Variants in CAMK2D observed in about 807,000 individuals in gnomAD.
CAMK2D encodes calcium/calmodulin dependent protein kinase II delta.
In CAMK2D, 37 loss-of-function variants were observed where a neutral mutation model predicts 84.0. The ratio of observed to expected loss-of-function variants is 0.44; its 90% CI spans 0.34 to 0.58. The LOEUF is 0.58. Among genes scored for constraint, CAMK2D ranks in the 20% least tolerant of loss-of-function variants. The pLI is 0.02. For missense variants in CAMK2D, 448 were observed against 652.5 expected, an observed-to-expected ratio of 0.69 and a Z score of 3.41; for synonymous variants, 202 against 212.5, an observed-to-expected ratio of 0.95 and a Z score of 0.43.
intron 2 of CAMK2D, among the ~76,000 whole-genome samples, chr4:113,721,169 T>C (rs1306096646): frequency 6.6e-6 from 1 of 152,132 alleles, no homozygotes; most frequent in Non-Finnish European, 1.5e-5. Flanking sequence ...GAGATAATCA[T>C]CTGCGGTAGG....
chr4:113,455,924 C>A, intron 19 of CAMK2D, 103 bp from the exon 20 acceptor site: 1 of 693,304 alleles, frequency 1.4e-6, no homozygotes, highest in African/African-American at 1.8e-5. Flanking sequence ...AAACCTAAAC[C>A]CCTGGTACTG....
chr4:113,511,431 T>C (rs1215157283), intron 12 of CAMK2D, among the ~76,000 whole-genome samples: 1 of 152,138 alleles, frequency 6.6e-6, no homozygotes, highest in African/African-American at 2.4e-5. Flanking sequence ...CTTCTATATA[T>C]GGGTACATAC....
chr4:113,490,421 T>A (rs1354357426), intron 16 of CAMK2D, among the ~76,000 whole-genome samples: 2 of 110,320 alleles, frequency 1.8e-5, no homozygotes, highest in Non-Finnish European at 3.6e-5. Context: ...ATTGCTTGTT[T>A]TTCTCAGGTT....
At chr4:113,547,576 G>T in intron 6 of CAMK2D, 68 bp downstream of exon 6, 1 of 1,008,414 alleles carries the variant, frequency 9.9e-7, no homozygotes, top group Non-Finnish European at 1.4e-6. Context: ...GCCTTTACAG[G>T]CATAATTGCA....
At chr4:113,707,902 C>T (rs2099466906) in intron 2 of CAMK2D, among the ~76,000 whole-genome samples, 1 of 152,168 alleles carries the variant, frequency 6.6e-6, no homozygotes, top group Non-Finnish European at 1.5e-5. Context: ...GCATCTGATA[C>T]CAATTCTCTG....
At position 113,649,114 on chromosome 4, in the gene CAMK2D, G is replaced by A. The variant is rs528326357; in HGVS notation, c.220+12599C>T. On this transcript the variant is annotated intron_variant, in intron 3 of 20. Coordinates refer to ENST00000511664, the MANE Select transcript of CAMK2D (RefSeq NM_001321571.2). ...ATCTGATTCCACAGCAACATCTTTGGTAGCTTTGCCCTCCTTGCCATCCCT... is the reference window on the plus strand; with the variant it reads ...ATCTGATTCCACAGCAACATCTTTGATAGCTTTGCCCTCCTTGCCATCCCT... Among the ~76,000 whole-genome samples, 36 of 152,184 alleles carry A rather than the reference G, an allele frequency of 2.4e-4. 1 individual carries two copies. The highest frequency in any genetic ancestry group is 8.2e-4 in the African/African-American group (34 of 41,524).
At position 113,561,116 on chromosome 4, in the gene CAMK2D, C is replaced by T. The variant is rs182319473; in HGVS notation, c.276-9020G>A. Among the ~76,000 whole-genome samples the T allele has an allele frequency of 3.2e-4, 48 of 152,266 alleles. 1 individual carries two copies. The highest frequency in any genetic ancestry group is 3.1e-3 in the Admixed American group (48 of 15,290). ...ACAAAAGAGTTGGAAACAGGAATCTCAATTTCCCCTTATTTGATCTCTAAC... is the reference window on the plus strand; with the variant it reads ...ACAAAAGAGTTGGAAACAGGAATCTTAATTTCCCCTTATTTGATCTCTAAC... On this transcript the variant is annotated intron_variant, in intron 4 of 20. Transcript: ENST00000511664.
intron 16 of CAMK2D, among the ~76,000 whole-genome samples, chr4:113,471,068 A>C (rs1362481597): frequency 1.3e-5 from 2 of 152,190 alleles, no homozygotes; most frequent in Admixed American, 1.3e-4. Flanking sequence ...CAATGACAGA[A>C]AACACTTTTT....
In CAMK2D at chr4:113,452,353, T is replaced by G. The variant is rs2097263444; in HGVS notation, c.*2192A>C. 1 of 152,210 alleles carries G rather than the reference T, an allele frequency of 6.6e-6. No individual in the cohort carries two copies. The highest frequency in any genetic ancestry group is 6.6e-5 in the Admixed American group (1 of 15,264). The allele number at this position is 152,210 out of a possible 1,614,324, so 9.4% of individuals were successfully genotyped here. Reference sequence around the variant, plus strand: ...GAGTAGGACACACTGCCCTTGACACTGGCCAGCACTATGCAGGCATACATA... The same window carrying G: ...GAGTAGGACACACTGCCCTTGACACGGGCCAGCACTATGCAGGCATACATA... On this transcript the variant is annotated 3_prime_UTR_variant, in exon 21 of 21. Transcript: ENST00000511664.
At chr4:113,496,446 CTTTT>C (rs543371495) in intron 16 of CAMK2D, among the ~76,000 whole-genome samples, 4 of 120,702 alleles carry the variant, frequency 3.3e-5, no homozygotes, top group Non-Finnish European at 1.7e-5. Flanking sequence ...CTCCCATTTG[CTTTT>C]TTTTTTTTTT....
intron 2 of CAMK2D, among the ~76,000 whole-genome samples, chr4:113,758,061 C>T (rs2099632642): frequency 6.6e-6 from 1 of 152,182 alleles, no homozygotes; most frequent in African/African-American, 2.4e-5. Context: ...AAGATTCTAA[C>T]TACACATTTT....
At chr4:113,489,113 C>G (rs1220468073) in intron 16 of CAMK2D, among the ~76,000 whole-genome samples, 1 of 151,926 alleles carries the variant, frequency 6.6e-6, no homozygotes, top group Non-Finnish European at 1.5e-5. Context: ...AAAAAATCAG[C>G]AGGTAGTATA....
rs1013093403 is a variant in CAMK2D, at chr4:113,730,044, T to A, written c.160+29276A>T. Among the ~76,000 whole-genome samples, 3 of 152,172 alleles carry A rather than the reference T, an allele frequency of 2.0e-5. No individual in the cohort carries two copies. The East Asian group carries it at 5.8e-4, about 29-fold the overall frequency. On this transcript the variant is annotated intron_variant, in intron 2 of 20. Transcript: ENST00000511664. ...TATTAACACCCGTGCACATCTTAGGTATATGTTTGTTGTCCGTGTTCCACC... is the reference window on the plus strand; with the variant it reads ...TATTAACACCCGTGCACATCTTAGGAATATGTTTGTTGTCCGTGTTCCACC...
intron 2 of CAMK2D, among the ~76,000 whole-genome samples, chr4:113,705,854 A>T (rs2099450861): frequency 6.6e-6 from 1 of 152,194 alleles, no homozygotes; most frequent in South Asian, 2.1e-4. Context: ...GAAGAAAACC[A>T]TTCTATCAGT....
Position 113,636,828 on chromosome 4 carries a change from A to C in CAMK2D, c.220+24885T>G, listed in dbSNP as rs374818878. ...CCATCACATTGGGGATTTGAACTTC[A>C]ACATATGAATTGGGGAGGTGGGCAC... On this transcript the variant is annotated intron_variant, in intron 3 of 20. Coordinates refer to ENST00000511664, the MANE Select transcript of CAMK2D (RefSeq NM_001321571.2). 6.6e-5 allele frequency among the ~76,000 whole-genome samples: 10 copies of C among 152,266 alleles called. No individual in the cohort carries two copies. The South Asian group carries it at 2.1e-3, about 32-fold the overall frequency.
At chr4:113,598,546 C>T (rs993895688) in intron 4 of CAMK2D, among the ~76,000 whole-genome samples, 1 of 152,108 alleles carries the variant, frequency 6.6e-6, no homozygotes. Context: ...AGCTTAAAAA[C>T]TTAAACTTAA....
At chr4:113,613,578 G>A (rs1015235298) in intron 3 of CAMK2D, among the ~76,000 whole-genome samples, 2 of 151,992 alleles carry the variant, frequency 1.3e-5, no homozygotes, top group African/African-American at 4.8e-5. Context: ...TAATTTTGAG[G>A]GTACAGAGGT....
At chr4:113,486,675 T>C (rs2097768682) in intron 16 of CAMK2D, among the ~76,000 whole-genome samples, 1 of 152,254 alleles carries the variant, frequency 6.6e-6, no homozygotes, top group Non-Finnish European at 1.5e-5. Flanking sequence ...CCTGATGCTA[T>C]ACTTACATGA....
In CAMK2D at chr4:113,519,491, TA is replaced by T. The variant is rs533032676; in HGVS notation, c.602-1835del. 3.5e-3 allele frequency among the ~76,000 whole-genome samples: 523 copies of T among 151,340 alleles called. 13 individuals carry two copies. Among genetic ancestry groups the T allele is most frequent in the Admixed American group, 0.031 (473 of 15,092 alleles). The stretch of plus-strand genomic sequence containing the variant: ...AAAATAATAGCATAAATGTGAAGAT[TA>T]AAAAAAACACTTTTAGGCCCAAAGA... On this transcript the variant is annotated intron_variant, in intron 8 of 20. Transcript: ENST00000511664.
Sources: gnomAD v4.1 joint callset for allele counts (sites outside exome capture counted in the v4.1 genomes callset) on GRCh38, gnomAD v4.1.1 for gene constraint, MANE v1.5 for transcripts, NCBI Gene and HGNC (gene_info 2026-07-23, HGNC 2026-07-21) for gene names.